Variants in TIAM1 observed in about 807,000 individuals in gnomAD.
TIAM1 encodes rho guanine nucleotide exchange factor TIAM1.
In TIAM1, 65 loss-of-function variants were observed where a neutral mutation model predicts 163.5. That is an observed-to-expected ratio of 0.40 (90% CI 0.33 to 0.49). TIAM1 has a LOEUF of 0.49. TIAM1 is among the 20% of genes least tolerant of loss of function. The pLI, the probability that TIAM1 is intolerant of heterozygous loss-of-function variation, is 0.77. For missense variants in TIAM1, 1,789 were observed against 2,044.7 expected, an observed-to-expected ratio of 0.87 and a Z score of 2.41; for synonymous variants, 833 against 810.1, an observed-to-expected ratio of 1.03 and a Z score of -0.48.
At chr21:31,222,877 C>A (rs1350799926) in intron 8 of TIAM1, among the ~76,000 whole-genome samples, 1 of 151,038 alleles carries the variant, frequency 6.6e-6, no homozygotes, top group Non-Finnish European at 1.5e-5. Flanking sequence ...GTCACCACAC[C>A]CAGGTAATTT....
intron 1 of TIAM1, among the ~76,000 whole-genome samples, chr21:31,500,775 G>C (rs376800561): frequency 4.6e-5 from 7 of 152,098 alleles, no homozygotes; most frequent in African/African-American, 1.7e-4. Flanking sequence ...TGGAACTGAC[G>C]GTCCCACGGA....
At chr21:31,418,270 A>C (rs1038260351) in intron 2 of TIAM1, among the ~76,000 whole-genome samples, 27 of 143,788 alleles carry the variant, frequency 1.9e-4, no homozygotes, top group African/African-American at 6.7e-4. Context: ...TGAACCCGGC[A>C]GGCGGAAGTT....
chr21:31,165,813 G>T (rs761082104), intron 15 of TIAM1, among the ~76,000 whole-genome samples: 1 of 152,098 alleles, frequency 6.6e-6, no homozygotes, highest in East Asian at 1.9e-4. Flanking sequence ...CAAAAAAAAT[G>T]ACTGTCCCAT....
intron 2 of TIAM1, among the ~76,000 whole-genome samples, chr21:31,316,334 A>T (rs974064466): frequency 1.3e-5 from 2 of 152,130 alleles, no homozygotes; most frequent in African/African-American, 4.8e-5. Context: ...CTTGTTCCCA[A>T]TTAACAGCCA....
intron 2 of TIAM1, among the ~76,000 whole-genome samples, chr21:31,326,368 T>A (rs987773965): frequency 6.6e-6 from 1 of 152,178 alleles, no homozygotes. Flanking sequence ...ATGGCATTCA[T>A]GGAGAATCCC....
In TIAM1 at chr21:31,269,671, GTT is replaced by G. The variant is rs11350283; in HGVS notation, c.-11-2690_-11-2689del. Among the ~76,000 whole-genome samples, 561 of 124,220 alleles carry G rather than the reference GTT, an allele frequency of 4.5e-3. 4 individuals carry two copies. The highest frequency in any genetic ancestry group is 0.016 in the African/African-American group (487 of 31,404). The allele number at this position is 124,220 out of a possible 152,430, so 81.5% of individuals were successfully genotyped here. ...AAGTTGGTGAACTTTAAGTTTGTTT[GTT>G]TTTTTTTTTTTTTTTTGAGACGGAG... On this transcript the variant is annotated intron_variant, in intron 3 of 27. Coordinates refer to ENST00000541036, the MANE Select transcript of TIAM1 (RefSeq NM_001353694.2).
chr21:31,143,452 T>TTATATATATA (rs61145317), intron 20 of TIAM1, among the ~76,000 whole-genome samples: 4 of 149,230 alleles, frequency 2.7e-5, no homozygotes, highest in African/African-American at 9.8e-5. Flanking sequence ...TATATAATTT[T>TTATATATATA]TATATATATA....
At chr21:31,237,005 G>A (rs2070928969) in intron 6 of TIAM1, among the ~76,000 whole-genome samples, 1 of 152,200 alleles carries the variant, frequency 6.6e-6, no homozygotes, top group Non-Finnish European at 1.5e-5. Flanking sequence ...GGTGAATATA[G>A]AAACAAAGAG....
intron 2 of TIAM1, among the ~76,000 whole-genome samples, chr21:31,280,904 C>T (rs1055864468): frequency 3.3e-5 from 5 of 151,494 alleles, no homozygotes; most frequent in Middle Eastern, 3.2e-3. Context: ...GGCTTGAGGA[C>T]AGGAGTTCAA....
At chr21:31,136,085 A>G in intron 22 of TIAM1, 44 bp from the exon 23 acceptor site, 2 of 1,494,852 alleles carry the variant, frequency 1.3e-6, no homozygotes, top group Non-Finnish European at 1.8e-6. Context: ...TGGTGTTATC[A>G]ATACTCAGAT....
At chr21:31,548,517 C>T (rs569068250) in intron 1 of TIAM1, among the ~76,000 whole-genome samples, 1 of 149,522 alleles carries the variant, frequency 6.7e-6, no homozygotes, top group South Asian at 2.1e-4. Flanking sequence ...AGACGAGAGC[C>T]TCGTTCTGTC....
chr21:31,221,920 T>C (rs949456343), intron 8 of TIAM1, among the ~76,000 whole-genome samples: 1 of 152,166 alleles, frequency 6.6e-6, no homozygotes, highest in Non-Finnish European at 1.5e-5. Context: ...ACTGAAAACG[T>C]TTTGTAAGTT....
chr21:31,355,798 C>T (rs139570999), intron 2 of TIAM1, among the ~76,000 whole-genome samples: 25 of 147,768 alleles, frequency 1.7e-4, no homozygotes, highest in African/African-American at 4.8e-4. Flanking sequence ...GTGATCTGCC[C>T]GCCTCGGCTT....
Position 31,520,746 on chromosome 21 carries a change from T to C in TIAM1, c.-422+38181A>G, listed in dbSNP as rs181512002. 1.0e-3 allele frequency among the ~76,000 whole-genome samples: 159 copies of C among 152,368 alleles called. 1 individual carries two copies. Among genetic ancestry groups the C allele is most frequent in the Admixed American group, 4.5e-3 (69 of 15,306 alleles). ...TCAAAAGCACTTCCCAGCCGTGCGA[T>C]TGGAGATTTATATTGCACATCAACA... On this transcript the variant is annotated intron_variant, in intron 1 of 28. Transcript: ENST00000286827.
intron 2 of TIAM1, among the ~76,000 whole-genome samples, chr21:31,442,070 A>ATATATATAT (rs2044441960): frequency 1.7e-4 from 9 of 53,246 alleles, no homozygotes; most frequent in African/African-American, 2.0e-4. Flanking sequence ...CAAATAAATA[A>ATATATATAT]ATATATATAT....
intron 2 of TIAM1, among the ~76,000 whole-genome samples, chr21:31,306,582 C>T (rs1306211141): frequency 1.3e-5 from 2 of 152,112 alleles, no homozygotes; most frequent in African/African-American, 4.8e-5. Context: ...AGAGAACACA[C>T]AGGAGGAGGA....
At chr21:31,149,463 TA>T (rs1219216516) in intron 19 of TIAM1, among the ~76,000 whole-genome samples, 1 of 152,096 alleles carries the variant, frequency 6.6e-6, no homozygotes, top group East Asian at 1.9e-4. Context: ...CACCTGTCAC[TA>T]AAAGAAGCAA....
chr21:31,313,249 T>C (rs2074995951), intron 2 of TIAM1, among the ~76,000 whole-genome samples: 2 of 152,238 alleles, frequency 1.3e-5, no homozygotes, highest in Non-Finnish European at 2.9e-5. Context: ...TATGTTTCTT[T>C]CCTTAAAAAT....
chr21:31,291,585 G>A (rs553953222), intron 2 of TIAM1, among the ~76,000 whole-genome samples: 126 of 152,320 alleles, frequency 8.3e-4, no homozygotes, highest in African/African-American at 2.9e-3. Context: ...ACACAATGGC[G>A]TGATCTCGGC....
Sources: gnomAD v4.1 joint callset for allele counts (sites outside exome capture counted in the v4.1 genomes callset) on GRCh38, gnomAD v4.1.1 for gene constraint, MANE v1.5 for transcripts, NCBI Gene and HGNC (gene_info 2026-07-23, HGNC 2026-07-21) for gene names.